The following KANK1 variants were observed in gnomAD, a reference collection of about 807,000 sequenced individuals.
KANK1 encodes KN motif and ankyrin repeat domains 1.
KANK1 carries 109 observed loss-of-function variants against 106.2 expected under a neutral mutation model. The ratio of observed to expected loss-of-function variants is 1.03; its 90% CI spans 0.88 to 1.20. The LOEUF (loss-of-function observed/expected upper bound fraction) is 1.20. KANK1 is among the 50% of genes most tolerant of loss of function. The pLI is 0.00. For synonymous variants in KANK1, 873 were observed against 652.2 expected (o/e 1.34, Z -5.16); for missense variants, 2,399 against 1,710.7 (o/e 1.40, Z -7.10).
intron 1 of KANK1, among the ~76,000 whole-genome samples, chr9:522,789 C>G (rs1209258255): frequency 6.6e-6 from 1 of 151,762 alleles, no homozygotes; most frequent in Middle Eastern, 3.4e-3. Context: ...CCTGCCTGTG[C>G]TCTCCTGACC....
intron 1 of KANK1, among the ~76,000 whole-genome samples, chr9:540,898 A>G (rs1040755448): frequency 5.9e-5 from 9 of 152,072 alleles, no homozygotes; most frequent in Admixed American, 5.2e-4. Context: ...TTTGTCTTTT[A>G]GTTCAGCTAA....
At position 734,891 on chromosome 9, in the gene KANK1, C is replaced by A. The variant is rs111772969; in HGVS notation, c.3333+56C>A. The stretch of plus-strand genomic sequence containing the variant: ...TGTGTACAAAGTGCATGAGTGGGTT[C>A]ATTGTCAAGGCCAGCTGTAGGCTGC... On this transcript the variant is annotated intron_variant, in intron 7 of 11. Coordinates refer to ENST00000382297, the MANE Select transcript of KANK1 (RefSeq NM_015158.5). 416 of 1,299,746 alleles carry A rather than the reference C, an allele frequency of 3.2e-4. 1 individual carries two copies. Among genetic ancestry groups the A allele is most frequent in the Middle Eastern group, 7.3e-4 (4 of 5,482 alleles). 80.5% of individuals were successfully genotyped at this position (1,299,746 alleles called of 1,614,324 possible). A position where few individuals can be genotyped will look rare whatever the true frequency, so the allele number is the denominator to read the frequency against.
chr9:539,905 A>G (rs1387902150), intron 1 of KANK1, among the ~76,000 whole-genome samples: 1 of 152,234 alleles, frequency 6.6e-6, no homozygotes, highest in African/African-American at 2.4e-5. Flanking sequence ...AGTATCCTAC[A>G]ACTTCACTGA....
chr9:688,890 T>C (rs1465401400), intron 2 of KANK1, among the ~76,000 whole-genome samples: 2 of 152,192 alleles, frequency 1.3e-5, no homozygotes, highest in East Asian at 1.9e-4. Flanking sequence ...CCTGAGCTGG[T>C]AGCCCCTGGG....
chr9:630,842 C>G (rs919253141), intron 1 of KANK1, among the ~76,000 whole-genome samples: 5 of 151,808 alleles, frequency 3.3e-5, no homozygotes. Context: ...TGTAGAGGAG[C>G]TCCTTGGGAG....
At chr9:625,190 AGGAAAAGACTGCTACTGTCAC>A (rs1391681986) in intron 1 of KANK1, among the ~76,000 whole-genome samples, 3 of 152,220 alleles carry the variant, frequency 2.0e-5, no homozygotes, top group African/African-American at 7.2e-5. Context: ...TTCCTCATGG[AGGAAAAGACTGCTACTGTCAC>A]GGGAAAGATT....
chr9:740,786 TTACAGA>T lies in KANK1; in HGVS notation c.3554-4_3555del. 1 of 1,582,510 alleles carries T rather than the reference TTACAGA, an allele frequency of 6.3e-7. No homozygotes were observed. The highest frequency in any genetic ancestry group is 8.6e-7 in the Non-Finnish European group (1 of 1,168,352). ...CTAAGAGACTTTTTTTTTTTTTTTT[TTACAGA>T]TGTGTGTAATGTGGATCACCAGAAC... On this transcript the variant is annotated splice_acceptor_variant and splice_polypyrimidine_tract_variant and coding_sequence_variant and intron_variant, in exon 9 of 12. Transcript: ENST00000382297. LOFTEE classifies it high-confidence loss of function.
intron 2 of KANK1, among the ~76,000 whole-genome samples, chr9:700,333 G>T (rs79062977): frequency 6.6e-6 from 1 of 152,236 alleles, no homozygotes; most frequent in East Asian, 1.9e-4. Flanking sequence ...TACAGGTAGC[G>T]AAGCTGCTGG....
chr9:682,144 G>A (rs1456984627), intron 2 of KANK1, among the ~76,000 whole-genome samples: 3 of 152,040 alleles, frequency 2.0e-5, no homozygotes, highest in Non-Finnish European at 4.4e-5. Flanking sequence ...GCTGGGTGTG[G>A]TGGTGGGCGC....
rs192116190 is a variant in KANK1, at chr9:575,180, G to C, written c.-84+70426G>C. On this transcript the variant is annotated intron_variant, in intron 1 of 11. Transcript: ENST00000382297. ...TATTCTCAAAGACAAGGCAGCAGCTGATACTTGGTAATGTCCTTAAAACTG... is the reference window on the plus strand; with the variant it reads ...TATTCTCAAAGACAAGGCAGCAGCTCATACTTGGTAATGTCCTTAAAACTG... Among the ~76,000 whole-genome samples, 4 of 152,336 alleles carry C rather than the reference G, an allele frequency of 2.6e-5. No homozygotes were observed. The East Asian group carries it at 7.7e-4, about 29-fold the overall frequency.
Position 730,046 on chromosome 9 carries a change from G to T in KANK1, c.2699-5G>T. On this transcript the variant is annotated splice_polypyrimidine_tract_variant and splice_region_variant and intron_variant, in intron 3 of 11. Transcript: ENST00000382297. ...CACACTCTGTACCTTTCTTTTTCCT[G>T]ATAGGCAATTATTTGGGATATACCT... The T allele has an allele frequency of 6.2e-7, 1 of 1,613,088 alleles. No homozygotes were observed. Among genetic ancestry groups the T allele is most frequent in the South Asian group, 1.1e-5 (1 of 90,926 alleles).
At chr9:510,768 G>C (rs1236247946) in intron 1 of KANK1, among the ~76,000 whole-genome samples, 1 of 152,238 alleles carries the variant, frequency 6.6e-6, no homozygotes, top group Non-Finnish European at 1.5e-5. Flanking sequence ...GTACATTCAA[G>C]TCAGCATCAT....
At chr9:735,590 G>A (rs915172083) in intron 7 of KANK1, 7 of 190,344 alleles carry the variant, frequency 3.7e-5, no homozygotes, top group East Asian at 2.4e-4. Context: ...TAAGGATACC[G>A]AAATGCACAG....
chr9:509,926 G>C (rs951391852), intron 1 of KANK1, among the ~76,000 whole-genome samples: 1 of 151,892 alleles, frequency 6.6e-6, no homozygotes, highest in Admixed American at 6.6e-5. Context: ...CCTGCCTCCC[G>C]AGTAGCTGGG....
At chr9:482,467 C>T (rs1173136820) in intron 3 of KANK1, among the ~76,000 whole-genome samples, 1 of 152,176 alleles carries the variant, frequency 6.6e-6, no homozygotes, top group Non-Finnish European at 1.5e-5. Context: ...CATGCCCTCC[C>T]TTGCCAACTC....
intron 3 of KANK1, among the ~76,000 whole-genome samples, chr9:721,607 C>G (rs975087000): frequency 6.6e-6 from 1 of 152,170 alleles, no homozygotes; most frequent in Non-Finnish European, 1.5e-5. Flanking sequence ...CTTTTATTGA[C>G]TCCAGCTTTG....
chr9:520,488 A>C (rs1311052875), intron 1 of KANK1, among the ~76,000 whole-genome samples: 1 of 151,758 alleles, frequency 6.6e-6, no homozygotes, highest in Non-Finnish European at 1.5e-5. Flanking sequence ...AGTGTGGTTA[A>C]TTCTTCCATC....
intron 1 of KANK1, among the ~76,000 whole-genome samples, chr9:661,219 T>C (rs62530110): frequency 0.84 from 126,793 of 151,268 alleles, 53,285 homozygotes; most frequent in East Asian, 0.97. Flanking sequence ...TGGTGTGCTG[T>C]ACCCATTAGC....
At chr9:728,419 G>A (rs55882011) in intron 3 of KANK1, among the ~76,000 whole-genome samples, 11,553 of 152,148 alleles carry the variant, frequency 0.076, 1,105 homozygotes, top group African/African-American at 0.21. Context: ...GCTGGTCTCG[G>A]ACTCTTGACC....
Sources: allele counts gnomAD v4.1 joint callset (sites outside exome capture counted in the v4.1 genomes callset), GRCh38; gene constraint gnomAD v4.1.1; transcripts MANE v1.5; gene names NCBI Gene and HGNC (gene_info 2026-07-23, HGNC 2026-07-21).